The following RPA3 variants were observed in gnomAD, a reference collection of about 807,000 sequenced individuals.
The protein encoded by RPA3 is replication protein A3.
A neutral mutation model predicts 13.7 loss-of-function variants in RPA3; 24 were observed. The ratio of observed to expected loss-of-function variants is 1.75; its 90% CI spans 1.27 to 2.46. The LOEUF (loss-of-function observed/expected upper bound fraction) is 2.46. Ranked by LOEUF, RPA3 falls within the 30% of genes most tolerant of loss-of-function variation. The pLI is 0.00. For missense variants in RPA3, 183 were observed against 151.0 expected, an observed-to-expected ratio of 1.21 and a Z score of -1.11; for synonymous variants, 59 against 51.2, an observed-to-expected ratio of 1.15 and a Z score of -0.65.
chr7:7,697,273 A>G (rs1344295253), intron 2 of RPA3, among the ~76,000 whole-genome samples: 1 of 152,166 alleles, frequency 6.6e-6, no homozygotes, highest in Non-Finnish European at 1.5e-5. Context: ...GATATCTTCT[A>G]TCTAATTATT....
At chr7:7,716,359 T>A (rs1470212297) in intron 1 of RPA3, among the ~76,000 whole-genome samples, 1 of 152,240 alleles carries the variant, frequency 6.6e-6, no homozygotes, top group African/African-American at 2.4e-5. Context: ...TTAGTGAGGC[T>A]AAGAGAGTCC....
chr7:7,702,791 G>A (rs1277394878), intron 2 of RPA3, among the ~76,000 whole-genome samples: 1 of 150,722 alleles, frequency 6.6e-6, no homozygotes, highest in Non-Finnish European at 1.5e-5. Context: ...GGTTTTTGTT[G>A]TTGTTGTTGT....
chr7:7,689,616 C>G (rs10262410), intron 2 of RPA3, among the ~76,000 whole-genome samples: 87,452 of 151,924 alleles, frequency 0.58, 25,398 homozygotes, highest in East Asian at 0.8. Context: ...TTTTTCATGC[C>G]CAGACTTCAT....
At chr7:7,707,814 C>A (rs2115164883) in intron 2 of RPA3, among the ~76,000 whole-genome samples, 1 of 152,274 alleles carries the variant, frequency 6.6e-6, no homozygotes, top group East Asian at 1.9e-4. Flanking sequence ...AAGATGCTTT[C>A]TAAGGAAACT....
intron 4 of RPA3, among the ~76,000 whole-genome samples, chr7:7,653,465 C>G (rs1395240156): frequency 2.6e-5 from 4 of 152,150 alleles, no homozygotes; most frequent in Admixed American, 6.5e-5. Flanking sequence ...TAGCATCCTT[C>G]TTTAGGAAAA....
intron 2 of RPA3, among the ~76,000 whole-genome samples, chr7:7,695,539 G>C (rs1230534534): frequency 1.3e-5 from 2 of 151,998 alleles, no homozygotes; most frequent in Non-Finnish European, 2.9e-5. Flanking sequence ...TAAATGTTTA[G>C]TCTCAGAGCA....
At chr7:7,686,570 A>G (rs551557111) in intron 3 of RPA3, among the ~76,000 whole-genome samples, 1 of 152,340 alleles carries the variant, frequency 6.6e-6, no homozygotes, top group South Asian at 2.1e-4. Context: ...GTATACTCAT[A>G]CGAGGTTGAC....
chr7:7,643,677 A>G (rs1583685906), intron 4 of RPA3, among the ~76,000 whole-genome samples: 1 of 147,326 alleles, frequency 6.8e-6, no homozygotes, highest in East Asian at 2.0e-4. Context: ...GCGCCACTTC[A>G]CTCCAACCTG....
intron 4 of RPA3, among the ~76,000 whole-genome samples, chr7:7,665,988 A>G (rs1354435414): frequency 6.6e-6 from 1 of 152,126 alleles, no homozygotes; most frequent in African/African-American, 2.4e-5. Flanking sequence ...AAGTTGTTAC[A>G]ACATTTGTAT....
chr7:7,690,676 C>T (rs1436330089), intron 2 of RPA3, among the ~76,000 whole-genome samples: 2 of 151,984 alleles, frequency 1.3e-5, no homozygotes, highest in Non-Finnish European at 2.9e-5. Flanking sequence ...TTTAATATAT[C>T]TAAATTCTTT....
rs1448836860 is a variant in RPA3 at position 7,640,325 on chromosome 7, C to G, written c.94G>C (p.Glu32Gln). ...DKPVCFVGRL[E>Q]KIHPTGKMFI... ...ATGATTGCGAACCCGCACACCTTTT[C>G]CAGCCTCCCTACGAAGCAGACAGGC... Residue 32 changes from glutamate (E) to glutamine (Q), a missense_variant, in exon 5 of 8, where the codon GAA becomes CAA. By Grantham distance (29) the Glu-to-Gln change is conservative (BLOSUM62 2). Transcript: ENST00000223129. The G allele has an allele frequency of 3.1e-6, 5 of 1,613,876 alleles. No homozygotes were observed. The African/African-American group carries it at 5.3e-5, about 17-fold the overall frequency.
chr7:7,638,137 G>A, intron 6 of RPA3, 165 bp from the exon 7 acceptor site: 1 of 464,452 alleles, frequency 2.2e-6, no homozygotes. Context: ...AAATGTTTGA[G>A]TACTTAACTG....
chr7:7,686,442 G>C (rs1011175086), intron 3 of RPA3, among the ~76,000 whole-genome samples: 12 of 151,992 alleles, frequency 7.9e-5, no homozygotes, highest in Non-Finnish European at 1.8e-4. Context: ...GAAATTTATT[G>C]ACAATTTTTT....
At chr7:7,666,641 GC>G (rs141322113) in intron 4 of RPA3, among the ~76,000 whole-genome samples, 2,821 of 152,084 alleles carry the variant, frequency 0.019, 85 homozygotes, top group African/African-American at 0.065. Context: ...CATGTATCTT[GC>G]TAGGTGAAGT....
chr7:7,640,234 T>C, intron 5 of RPA3, 86 bp downstream of exon 5: 2 of 1,393,406 alleles, frequency 1.4e-6, no homozygotes, highest in Non-Finnish European at 2.0e-6. Flanking sequence ...TCGGAGGCTT[T>C]CCGTCCTTTT....
Position 7,681,684 on chromosome 7 carries a change from G to A in RPA3, c.-758+4146C>T, listed in dbSNP as rs551700860. Among the ~76,000 whole-genome samples the A allele has an allele frequency of 5.3e-5, 8 of 152,126 alleles. No individual in the cohort carries two copies. In the South Asian group the frequency reaches 1.7e-3, roughly 32 times the overall value. The stretch of plus-strand genomic sequence containing the variant: ...GTTTTCATTTGCATCACTGGGTGGC[G>A]ATTTTTCATAGCCTTATACTACTAT... On this transcript the variant is annotated intron_variant, in intron 4 of 7. Transcript: ENST00000223129.
chr7:7,664,385 A>G (rs747690135), intron 4 of RPA3, among the ~76,000 whole-genome samples: 8 of 152,112 alleles, frequency 5.3e-5, no homozygotes, highest in Non-Finnish European at 8.8e-5. Flanking sequence ...TCTCTCTTAA[A>G]TACTTTGCTC....
intron 4 of RPA3, among the ~76,000 whole-genome samples, chr7:7,681,380 C>A (rs987374358): frequency 1.3e-5 from 2 of 152,082 alleles, no homozygotes; most frequent in Non-Finnish European, 2.9e-5. Flanking sequence ...AGAGTCTAGA[C>A]ACTTGTTTTG....
At chr7:7,716,773 G>A (rs1009135976) in intron 1 of RPA3, among the ~76,000 whole-genome samples, 3 of 152,172 alleles carry the variant, frequency 2.0e-5, no homozygotes, top group Non-Finnish European at 4.4e-5. Flanking sequence ...GTGAAACCCC[G>A]TCTCTACTAA....
Sources: allele counts gnomAD v4.1 joint callset (sites outside exome capture counted in the v4.1 genomes callset), GRCh38; gene constraint gnomAD v4.1.1; transcripts MANE v1.5; gene names NCBI Gene and HGNC (gene_info 2026-07-23, HGNC 2026-07-21).